MYRFL: variants seen among roughly 807,000 people sequenced by gnomAD.
MYRFL encodes the protein myelin regulatory factor-like protein.
In MYRFL, 88 loss-of-function variants were observed where a neutral mutation model predicts 109.4. That is an observed-to-expected ratio of 0.80 (90% CI 0.68 to 0.96). MYRFL has a LOEUF of 0.96. MYRFL is among the 40% of genes least tolerant of loss of function. MYRFL has a pLI of 0.00. For missense variants in MYRFL, 957 were observed against 954.9 expected (o/e 1.00, Z -0.03); for synonymous variants, 324 against 320.9 (o/e 1.01, Z -0.10).
chr12:69,917,383 C>CTTTTTTTTT (rs56118035), intron 13 of MYRFL, among the ~76,000 whole-genome samples: 1 of 102,510 alleles, frequency 9.8e-6, no homozygotes, highest in Non-Finnish European at 1.8e-5. Context: ...TATTCACTGA[C>CTTTTTTTTT]TTTTTTTTTT....
At chr12:69,870,331 G>T (rs1053301923) in intron 2 of MYRFL, among the ~76,000 whole-genome samples, 2 of 151,026 alleles carry the variant, frequency 1.3e-5, no homozygotes, top group Admixed American at 6.6e-5. Context: ...ACCCGCCTCG[G>T]CCTCCCGAAT....
rs1457961072 is a variant in MYRFL, at chr12:69,936,300, A to C, written c.2009A>C (p.Gln670Pro). The change falls in exon 18 of 25, where the codon CAG becomes CCG. Residue 670 changes from glutamine (Q) to proline (P), a missense_variant. Physicochemically the swap from Gln to Pro is moderately conservative, Grantham distance 76 (BLOSUM62 -1). Coordinates refer to ENST00000552032, the MANE Select transcript of MYRFL (RefSeq NM_182530.3). The part of the protein sequence containing the change: ...NLPPSNITSS[Q>P]EPALLPTASS... ...TTCTCCAGCAATATCACAAGCTCAC[A>C]GGAGCCAGCTCTGCTGCCCACAGCC... 1 of 1,536,234 alleles carries C rather than the reference A, an allele frequency of 6.5e-7. No individual in the cohort carries two copies.
At chr12:69,850,414 T>C (rs2136320161) in intron 1 of MYRFL, among the ~76,000 whole-genome samples, 1 of 151,982 alleles carries the variant, frequency 6.6e-6, no homozygotes. Flanking sequence ...TAAAAATAAC[T>C]TGAAGGAAAA....
At chr12:69,840,466 A>G (rs1883183222) in intron 1 of MYRFL, among the ~76,000 whole-genome samples, 1 of 152,156 alleles carries the variant, frequency 6.6e-6, no homozygotes, top group Non-Finnish European at 1.5e-5. Context: ...AAGTTGTATC[A>G]AAAGCTCCTT....
chr12:69,900,705 C>T (rs1465629760), intron 10 of MYRFL, among the ~76,000 whole-genome samples: 1 of 152,206 alleles, frequency 6.6e-6, no homozygotes, highest in South Asian at 2.1e-4. Context: ...CTGCTGCTTT[C>T]GAATCCCAAA....
At position 69,926,743 on chromosome 12, in the gene MYRFL, A is replaced by G; in HGVS notation, c.1766+9A>G. 7.0e-7 allele frequency: 1 copy of G among 1,432,260 alleles called. No individual in the cohort carries two copies. Among genetic ancestry groups the G allele is most frequent in the South Asian group, 1.5e-5 (1 of 64,670 alleles). The allele number at this position is 1,432,260 out of a possible 1,614,324, so 88.7% of individuals were successfully genotyped here. A position where few individuals can be genotyped will look rare whatever the true frequency, so the allele number is the denominator to read the frequency against. ...GAAGCAAGCACAATCAGGTACGTGC[A>G]GCCAGGATTGCCATAGAAATTTGGG... On this transcript the variant is annotated intron_variant, in intron 14 of 24. Coordinates refer to ENST00000552032, the MANE Select transcript of MYRFL (RefSeq NM_182530.3).
At chr12:69,925,251 G>T (rs528702374) in intron 13 of MYRFL, among the ~76,000 whole-genome samples, 162 of 152,270 alleles carry the variant, frequency 1.1e-3, no homozygotes, top group Admixed American at 3.2e-3. Flanking sequence ...TGTTCAGGGG[G>T]CCTCAACAGA....
intron 1 of MYRFL, among the ~76,000 whole-genome samples, chr12:69,826,761 T>C (rs532611054): frequency 8.0e-4 from 121 of 152,184 alleles, no homozygotes; most frequent in African/African-American, 2.6e-3. Context: ...GTGGTAGACT[T>C]CACAAATTAA....
chr12:69,940,359 A>G (rs1955604884), intron 19 of MYRFL, among the ~76,000 whole-genome samples: 1 of 151,220 alleles, frequency 6.6e-6, no homozygotes, highest in African/African-American at 2.4e-5. Flanking sequence ...ATCTCTCGGC[A>G]GAAACACTAC....
At chr12:69,864,119 G>A (rs1360271504) in intron 2 of MYRFL, among the ~76,000 whole-genome samples, 2 of 152,058 alleles carry the variant, frequency 1.3e-5, no homozygotes, top group Non-Finnish European at 2.9e-5. Flanking sequence ...TATGTTTCTA[G>A]GTATGAGCCT....
intron 6 of MYRFL, among the ~76,000 whole-genome samples, chr12:69,889,841 G>C (rs1886687798): frequency 6.6e-6 from 1 of 151,986 alleles, no homozygotes; most frequent in East Asian, 1.9e-4. Flanking sequence ...GGGCGACAGA[G>C]CGAGACTCTG....
rs558418943 is a variant in MYRFL, at chr12:69,902,485, T to G, written c.1183-1159T>G. ...TCCTTGAGGAAACCATTGTTATTGG[T>G]TTCCTGAGTAGTCTTCAGAGAAAAT... On this transcript the variant is annotated intron_variant, in intron 10 of 24. Transcript: ENST00000552032. Among the ~76,000 whole-genome samples the G allele has an allele frequency of 2.2e-4, 33 of 152,240 alleles. No individual in the cohort carries two copies. The South Asian group carries it at 6.6e-3, about 31-fold the overall frequency.
At chr12:69,914,748 A>C (rs1365030951) in intron 13 of MYRFL, among the ~76,000 whole-genome samples, 2 of 152,222 alleles carry the variant, frequency 1.3e-5, no homozygotes, top group Admixed American at 6.5e-5. Flanking sequence ...TGTTCCAGGC[A>C]GCCAGCCTCA....
At chr12:69,932,364 A>T (rs1291104176) in intron 15 of MYRFL, 149 bp from the exon 16 acceptor site, 1 of 575,440 alleles carries the variant, frequency 1.7e-6, no homozygotes, top group African/African-American at 1.9e-5. Flanking sequence ...TCAGAGAGGC[A>T]GGGAGGAGGA....
At chr12:69,898,482 TC>T (rs1412595814) in intron 10 of MYRFL, among the ~76,000 whole-genome samples, 1 of 152,180 alleles carries the variant, frequency 6.6e-6, no homozygotes, top group Non-Finnish European at 1.5e-5. Flanking sequence ...TCTCCTTGCG[TC>T]ATAAGCCAAT....
intron 2 of MYRFL, among the ~76,000 whole-genome samples, chr12:69,870,530 C>T (rs551893829): frequency 9.2e-5 from 14 of 152,122 alleles, no homozygotes; most frequent in Admixed American, 2.6e-4. Flanking sequence ...CTTGACATGA[C>T]GATTGTGAGT....
chr12:69,908,861 T>C (rs1445247927), intron 11 of MYRFL, among the ~76,000 whole-genome samples: 2 of 152,144 alleles, frequency 1.3e-5, no homozygotes, highest in Admixed American at 1.3e-4. Context: ...ACCCAGGTAT[T>C]AAGCCTAGTA....
At chr12:69,921,592 A>G (rs58353182) in intron 13 of MYRFL, among the ~76,000 whole-genome samples, 19,924 of 152,242 alleles carry the variant, frequency 0.13, 1,627 homozygotes, top group African/African-American at 0.23. Context: ...AATATGTATT[A>G]GAAATTTACT....
intron 2 of MYRFL, among the ~76,000 whole-genome samples, chr12:69,858,724 C>G (rs949131227): frequency 6.6e-6 from 1 of 151,646 alleles, no homozygotes; most frequent in Admixed American, 6.6e-5. Flanking sequence ...TAGTTTGTTT[C>G]TTTTTTTCTT....
Sources: gnomAD v4.1 joint callset for allele counts (sites outside exome capture counted in the v4.1 genomes callset) on GRCh38, gnomAD v4.1.1 for gene constraint, MANE v1.5 for transcripts, NCBI Gene and HGNC (gene_info 2026-07-23, HGNC 2026-07-21) for gene names.